DUSP29: variants seen among roughly 807,000 people sequenced by gnomAD.
DUSP29 encodes dual specificity phosphatase 29, also known as atypical dual-specific protein phosphatase.
Under a neutral mutation model 13.5 loss-of-function variants are expected in DUSP29, and 12 were observed. That is an observed-to-expected ratio of 0.89 (90% CI 0.57 to 1.44). DUSP29 has a LOEUF of 1.44. DUSP29 is among the 40% of genes most tolerant of loss of function. DUSP29 has a pLI of 0.00. For missense variants in DUSP29, 308 were observed against 301.1 expected (o/e 1.02, Z -0.17); for synonymous variants, 134 against 128.7 (o/e 1.04, Z -0.28).
At chr10:75,064,525 C>CA (rs1357853085) in intron 1 of DUSP29, among the ~76,000 whole-genome samples, 1 of 152,022 alleles carries the variant, frequency 6.6e-6, no homozygotes, top group Non-Finnish European at 1.5e-5. Context: ...AAAACAACAA[C>CA]AAAAAAAGTT....
At chr10:75,056,901 C>T (rs963496599) in intron 2 of DUSP29, among the ~76,000 whole-genome samples, 1 of 152,024 alleles carries the variant, frequency 6.6e-6, no homozygotes, top group South Asian at 2.1e-4. Flanking sequence ...AAAAGAAAGA[C>T]GAAAGGCAAG....
At chr10:75,058,214 C>G in intron 2 of DUSP29, 101 bp downstream of exon 2, 1 of 1,389,210 alleles carries the variant, frequency 7.2e-7, no homozygotes. Flanking sequence ...TCTCACAGAA[C>G]GACTACAAAT....
chr10:75,044,450 T>C (rs946095480), intron 2 of DUSP29, among the ~76,000 whole-genome samples: 2 of 152,186 alleles, frequency 1.3e-5, no homozygotes, highest in African/African-American at 4.8e-5. Flanking sequence ...AGATGGACGC[T>C]CAACTGAATG....
At chr10:75,039,723 A>C (rs539008021) in intron 3 of DUSP29, among the ~76,000 whole-genome samples, 1 of 152,238 alleles carries the variant, frequency 6.6e-6, no homozygotes, top group East Asian at 1.9e-4. Context: ...TCTCCCATGC[A>C]CTATCTGGGA....
At position 75,058,352 on chromosome 10, in the gene DUSP29, C is replaced by G; in HGVS notation, c.163G>C (p.Val55Leu). ...FWKGSPQYTH[V>L]NEVWPKLYIG... Reference sequence around the variant, plus strand: ...TAGAGCTTGGGCCAGACCTCGTTGACGTGGGTGTACTGGGGACTGCCCTTC... The same window carrying G: ...TAGAGCTTGGGCCAGACCTCGTTGAGGTGGGTGTACTGGGGACTGCCCTTC... Residue 55 changes from valine (V) to leucine (L), a missense_variant, in exon 2 of 4, where the codon GTC (valine) becomes CTC (leucine). By Grantham distance (32) the Val-to-Leu change is conservative. Transcript: ENST00000338487. The G allele has an allele frequency of 6.2e-7, 1 of 1,614,118 alleles. No homozygotes were observed. The highest frequency in any genetic ancestry group is 8.5e-7 in the Non-Finnish European group (1 of 1,180,020).
At chr10:75,043,700 T>C (rs1846634001) in intron 3 of DUSP29, 97 bp downstream of exon 3, 2 of 1,064,206 alleles carry the variant, frequency 1.9e-6, no homozygotes, top group Non-Finnish European at 2.6e-6. Context: ...GGCGGAGCCT[T>C]AGTGGGGCGG....
chr10:75,044,567 G>T (rs1013332190), intron 2 of DUSP29, among the ~76,000 whole-genome samples: 2 of 152,204 alleles, frequency 1.3e-5, no homozygotes, highest in African/African-American at 4.8e-5. Context: ...GGGAGCTGTT[G>T]CCCAGCTGGG....
At chr10:75,071,809 G>A (rs929799575) in intron 1 of DUSP29, among the ~76,000 whole-genome samples, 8 of 152,174 alleles carry the variant, frequency 5.3e-5, no homozygotes, top group Middle Eastern at 3.2e-3. Context: ...ACCCTGGCCC[G>A]CCACACCCCA....
intron 1 of DUSP29, among the ~76,000 whole-genome samples, chr10:75,071,933 G>A (rs1001522471): frequency 2.0e-5 from 3 of 152,298 alleles, no homozygotes; most frequent in South Asian, 2.1e-4. Flanking sequence ...AGATCACGCC[G>A]ACAGGCACTG....
chr10:75,070,838 T>C (rs142341107), intron 1 of DUSP29, among the ~76,000 whole-genome samples: 4 of 152,250 alleles, frequency 2.6e-5, no homozygotes, highest in African/African-American at 9.6e-5. Flanking sequence ...TGCTAGGAGA[T>C]CTGACCCCCT....
chr10:75,067,328 G>A lies in DUSP29; in HGVS notation c.-35+6241C>T, dbSNP rs150213726. The stretch of plus-strand genomic sequence containing the variant: ...TGGAAGCGGCTGGTGCAAGTGCAGG[G>A]TTCTGAAGCTTGGGGTAAATCCACC... On this transcript the variant is annotated intron_variant, in intron 1 of 3. Transcript: ENST00000338487. 6.2e-3 allele frequency among the ~76,000 whole-genome samples: 950 copies of A among 152,278 alleles called. 8 individuals are homozygous for A. Among genetic ancestry groups the A allele is most frequent in the Middle Eastern group, 0.048 (14 of 294 alleles).
rs752433713 is a variant in DUSP29 at position 75,058,293 on chromosome 10, G to A, written c.200+22C>T. On this transcript the variant is annotated intron_variant, in intron 2 of 3. Transcript: ENST00000338487. Reference sequence around the variant, plus strand: ...GAGGGGCTGCTGCCTGCTCCCAAGCGAGCCTGGGCCTGGGCACTTACTCAT... The same window carrying A: ...GAGGGGCTGCTGCCTGCTCCCAAGCAAGCCTGGGCCTGGGCACTTACTCAT... 18 of 1,598,282 alleles carry A rather than the reference G, an allele frequency of 1.1e-5. No individual in the cohort carries two copies. In the East Asian group the frequency reaches 1.6e-4, roughly 14 times the overall value.
At chr10:75,044,793 G>C (rs913210781) in intron 2 of DUSP29, among the ~76,000 whole-genome samples, 1 of 152,168 alleles carries the variant, frequency 6.6e-6, no homozygotes, top group East Asian at 1.9e-4. Context: ...GTGGAGATGG[G>C]CTGCCAGAGG....
intron 1 of DUSP29, among the ~76,000 whole-genome samples, chr10:75,072,673 G>A (rs1847356565): frequency 6.6e-6 from 1 of 152,100 alleles, no homozygotes; most frequent in South Asian, 2.1e-4. Context: ...GGGACCCTCA[G>A]GTGCTGGCGG....
intron 2 of DUSP29, among the ~76,000 whole-genome samples, chr10:75,055,623 G>A (rs568043262): frequency 6.6e-6 from 1 of 152,246 alleles, no homozygotes; most frequent in South Asian, 2.1e-4. Flanking sequence ...GTGGGTTCAG[G>A]GTTTCCTTTT....
intron 2 of DUSP29, among the ~76,000 whole-genome samples, chr10:75,054,598 T>C (rs564981173): frequency 3.3e-5 from 5 of 152,328 alleles, no homozygotes; most frequent in East Asian, 1.9e-4. Context: ...ACAATATTAA[T>C]AGGAGTATCT....
chr10:75,041,739 A>T (rs1452270868), intron 3 of DUSP29, among the ~76,000 whole-genome samples: 1 of 152,060 alleles, frequency 6.6e-6, no homozygotes, highest in Non-Finnish European at 1.5e-5. Context: ...CATTCATTCT[A>T]TCCCACTCAT....
intron 1 of DUSP29, among the ~76,000 whole-genome samples, chr10:75,070,829 G>A (rs2134310412): frequency 6.6e-6 from 1 of 152,322 alleles, no homozygotes; most frequent in East Asian, 1.9e-4. Flanking sequence ...GTGTCAGGCT[G>A]CTAGGAGATC....
chr10:75,070,414 T>C (rs1847305753), intron 1 of DUSP29, among the ~76,000 whole-genome samples: 1 of 152,160 alleles, frequency 6.6e-6, no homozygotes, highest in African/African-American at 2.4e-5. Context: ...AGCAAGCAGC[T>C]CTTATGGGCC....
Sources: allele counts gnomAD v4.1 joint callset (sites outside exome capture counted in the v4.1 genomes callset), GRCh38; gene constraint gnomAD v4.1.1; transcripts MANE v1.5; gene names NCBI Gene and HGNC (gene_info 2026-07-23, HGNC 2026-07-21).